The following CDON variants were observed in gnomAD, a reference collection of about 807,000 sequenced individuals.
CDON encodes the protein cell adhesion molecule-related/down-regulated by oncogenes.
In CDON, 73 loss-of-function variants were observed where a neutral mutation model predicts 120.9. The ratio of observed to expected loss-of-function variants is 0.60; its 90% CI spans 0.50 to 0.73. The LOEUF (loss-of-function observed/expected upper bound fraction) is 0.73, where lower values mean the gene tolerates loss of function less well. Ranked by LOEUF, CDON falls within the 30% of genes least tolerant of loss-of-function variation. The probability of loss-of-function intolerance (pLI) is 0.00; values close to 1 mark genes in which losing one functional copy is unlikely to be tolerated. For missense variants in CDON, 1,470 were observed against 1,587.3 expected (o/e 0.93, Z 1.26); for synonymous variants, 566 against 573.5 (o/e 0.99, Z 0.19).
chr11:126,040,461 C>G (rs777344457), intron 1 of CDON, among the ~76,000 whole-genome samples: 10 of 152,154 alleles, frequency 6.6e-5, no homozygotes, highest in Non-Finnish European at 1.5e-4. Context: ...TTAACAACCA[C>G]AATGACTTAT....
intron 1 of CDON, among the ~76,000 whole-genome samples, chr11:126,042,889 C>T (rs1948300662): frequency 6.6e-6 from 1 of 152,182 alleles, no homozygotes; most frequent in Non-Finnish European, 1.5e-5. Context: ...TCCCAAAGTG[C>T]TAGGATTACA....
intron 1 of CDON, among the ~76,000 whole-genome samples, chr11:126,058,207 C>T (rs543109260): frequency 4.4e-4 from 67 of 152,272 alleles, no homozygotes; most frequent in Non-Finnish European, 6.9e-4. Flanking sequence ...TATTTTTTCT[C>T]GAGTAAGATG....
chr11:125,993,339 A>T (rs527692005), intron 14 of CDON, among the ~76,000 whole-genome samples: 7 of 152,104 alleles, frequency 4.6e-5, no homozygotes, highest in Non-Finnish European at 1.0e-4. Context: ...CTTTAAGCAA[A>T]TAGTTTCAAA....
chr11:126,031,131 CTTT>C (rs1037717858), intron 1 of CDON, among the ~76,000 whole-genome samples: 16 of 152,178 alleles, frequency 1.1e-4, no homozygotes, highest in African/African-American at 3.9e-4. Flanking sequence ...AGGAATTCAT[CTTT>C]TATTCAGTAA....
Position 126,001,807 on chromosome 11 carries a change from G to T in CDON, c.2070C>A (p.Pro690=), listed in dbSNP as rs535317968. 2 of 1,610,316 alleles carry T rather than the reference G, an allele frequency of 1.2e-6. No individual in the cohort carries two copies. Among genetic ancestry groups the T allele is most frequent in the African/African-American group, 2.7e-5 (2 of 74,878 alleles). Residue 690 remains proline (P), a synonymous_variant, in exon 11 of 20, where the codon CCC becomes CCA. Coordinates refer to ENST00000531738, the MANE Select transcript of CDON (RefSeq NM_001378964.1). ...CAACGGGATACTTAGGGATGCCCACGGGTGGAGAGGATGCCTGGGTGTTTT... is the reference window on the plus strand; with the variant it reads ...CAACGGGATACTTAGGGATGCCCACTGGTGGAGAGGATGCCTGGGTGTTTT... The part of the protein sequence containing the change: ...SSKNTQASSP[P]VGIPKYPVVS...
At chr11:126,007,000 G>A (rs1488008305) in intron 8 of CDON, among the ~76,000 whole-genome samples, 1 of 151,682 alleles carries the variant, frequency 6.6e-6, no homozygotes, top group South Asian at 2.1e-4. Flanking sequence ...TGGTGCTGCT[G>A]TGAAAAAAAA....
chr11:125,997,263 G>GCCA lies in CDON; in HGVS notation c.2303_2305dup (p.Val768dup). Reference sequence around the variant, plus strand: ...TTTGGAAGGAGGGATGTCTTCAGCTGCCACCAGCCAATTGCTGGTCCTCAT... The same window carrying GCCA: ...TTTGGAAGGAGGGATGTCTTCAGCTGCCACCACCAGCCAATTGCTGGTCCTCAT... On this transcript the variant is annotated inframe_insertion, in exon 12 of 20. Coordinates refer to ENST00000531738, the MANE Select transcript of CDON (RefSeq NM_001378964.1). 6.2e-7 allele frequency: 1 copy of GCCA among 1,614,050 alleles called. No individual in the cohort carries two copies. The highest frequency in any genetic ancestry group is 8.5e-7 in the Non-Finnish European group (1 of 1,179,902).
At chr11:126,028,041 C>T (rs1456564553) in intron 1 of CDON, among the ~76,000 whole-genome samples, 1 of 140,040 alleles carries the variant, frequency 7.1e-6, no homozygotes, top group Non-Finnish European at 1.5e-5. Flanking sequence ...ATGTTGTCAA[C>T]ATAATGCCTG....
At position 125,959,830 on chromosome 11, in the gene CDON, G is replaced by C. The variant is rs1337447964; in HGVS notation, c.*1112C>G. ...TCCCCTTTCTTTCTTCTGAAAATGTGTATCTTTCTCTTCAAGCCACCATTT... is the reference window on the plus strand; with the variant it reads ...TCCCCTTTCTTTCTTCTGAAAATGTCTATCTTTCTCTTCAAGCCACCATTT... On this transcript the variant is annotated 3_prime_UTR_variant, in exon 20 of 20. Transcript: ENST00000531738. The C allele has an allele frequency of 1.3e-5, 2 of 152,040 alleles. No homozygotes were observed. Among genetic ancestry groups the C allele is most frequent in the Admixed American group, 1.3e-4 (2 of 15,272 alleles). 9.4% of individuals were successfully genotyped at this position (152,040 alleles called of 1,614,324 possible).
intron 1 of CDON, among the ~76,000 whole-genome samples, chr11:126,051,972 T>A (rs1295350817): frequency 6.6e-6 from 1 of 152,110 alleles, no homozygotes; most frequent in African/African-American, 2.4e-5. Context: ...TTAAAATGCA[T>A]CCTCAAACGC....
chr11:125,995,912 G>C (rs1946767516), intron 12 of CDON, among the ~76,000 whole-genome samples: 1 of 152,176 alleles, frequency 6.6e-6, no homozygotes, highest in Non-Finnish European at 1.5e-5. Context: ...CTAAACGAAT[G>C]AAAGTACAGA....
At chr11:125,986,131 C>T (rs1344014188) in intron 15 of CDON, among the ~76,000 whole-genome samples, 1 of 152,188 alleles carries the variant, frequency 6.6e-6, no homozygotes, top group Non-Finnish European at 1.5e-5. Flanking sequence ...GAATACTATG[C>T]AGCCATGAAA....
At chr11:126,020,821 A>T (rs1947612251) in intron 3 of CDON, among the ~76,000 whole-genome samples, 1 of 152,240 alleles carries the variant, frequency 6.6e-6, no homozygotes, top group African/African-American at 2.4e-5. Context: ...CAAGGCAAAT[A>T]AAACAATTAG....
In CDON at chr11:126,019,583, C is replaced by G. The variant is rs376185950; in HGVS notation, c.496+36G>C. 89 of 1,612,346 alleles carry G rather than the reference C, an allele frequency of 5.5e-5. No homozygotes were observed. In the African/African-American group the frequency reaches 1.0e-3, roughly 18 times the overall value. On this transcript the variant is annotated intron_variant, in intron 4 of 19. Transcript: ENST00000531738. ...GTAGCTTATTTAATGAGCATTTGTT[C>G]TGTGTGTGCCACCGGCTTTTCACAA...
intron 18 of CDON, among the ~76,000 whole-genome samples, chr11:125,964,729 A>C (rs887796791): frequency 6.6e-6 from 1 of 152,122 alleles, no homozygotes; most frequent in Admixed American, 6.5e-5. Context: ...AGAATAGGGC[A>C]CTTTGCACGT....
At position 125,978,259 on chromosome 11, in the gene CDON, T is replaced by C. The variant is rs1591557556; in HGVS notation, c.3356+45A>G. 8.9e-6 allele frequency: 9 copies of C among 1,011,202 alleles called. No individual in the cohort carries two copies. The East Asian group carries it at 2.2e-4, about 25-fold the overall frequency. 62.6% of individuals were successfully genotyped at this position (1,011,202 alleles called of 1,614,324 possible). A position where few individuals can be genotyped will look rare whatever the true frequency, so the allele number is the denominator to read the frequency against. On this transcript the variant is annotated intron_variant, in intron 18 of 19. Coordinates refer to ENST00000531738, the MANE Select transcript of CDON (RefSeq NM_001378964.1). ...CTGAAGGGAAAAATAAAAGGATGCATATGCCTTATTCACAACAGCTTGTGC... is the reference window on the plus strand; with the variant it reads ...CTGAAGGGAAAAATAAAAGGATGCACATGCCTTATTCACAACAGCTTGTGC...
intron 2 of CDON, among the ~76,000 whole-genome samples, chr11:126,022,894 A>T (rs2134704055): frequency 6.6e-6 from 1 of 152,350 alleles, no homozygotes; most frequent in Admixed American, 6.5e-5. Context: ...GGGCTTACAT[A>T]CACATTTAAC....
At chr11:126,015,134 G>A (rs768106276) in intron 7 of CDON, 107 bp downstream of exon 7, 21 of 1,072,744 alleles carry the variant, frequency 2.0e-5, no homozygotes, top group East Asian at 9.8e-5. Context: ...GTTCTTGTAC[G>A]GTGCTAGGGT....
At chr11:126,063,295 C>T (rs79446614), upstream of CDON, 23,739 of 152,266 alleles carry the variant, frequency 0.16, 2,535 homozygotes, top group Non-Finnish European at 0.23. Context: ...GGAGAGACGG[C>T]TCTTCTGGCA....
Sources: gnomAD v4.1 joint callset for allele counts (sites outside exome capture counted in the v4.1 genomes callset) on GRCh38, gnomAD v4.1.1 for gene constraint, MANE v1.5 for transcripts, NCBI Gene and HGNC (gene_info 2026-07-23, HGNC 2026-07-21) for gene names.